The following RAB37 variants were observed in gnomAD, a reference collection of about 807,000 sequenced individuals.
The protein encoded by RAB37 is ras-related protein Rab-37.
A neutral mutation model predicts 33.1 loss-of-function variants in RAB37; 29 were observed. The observed-to-expected ratio is 0.88, with a 90% CI of 0.65 to 1.20. RAB37 has a LOEUF of 1.20. Among genes scored for constraint, RAB37 ranks in the 50% most tolerant of loss-of-function variants. RAB37 has a pLI of 0.00. For missense variants in RAB37, 299 were observed against 301.1 expected, an observed-to-expected ratio of 0.99 and a Z score of 0.05; for synonymous variants, 128 against 119.5, an observed-to-expected ratio of 1.07 and a Z score of -0.47.
intron 1 of RAB37, among the ~76,000 whole-genome samples, chr17:74,695,404 C>A (rs1419090613): frequency 6.6e-6 from 1 of 152,128 alleles, no homozygotes; most frequent in African/African-American, 2.4e-5. Context: ...CTGCCAAGCA[C>A]CCTGAGCTTC....
At chr17:74,740,941 G>C (rs1598326116) in intron 2 of RAB37, 63 bp downstream of exon 2, 2 of 1,258,972 alleles carry the variant, frequency 1.6e-6, no homozygotes, top group Non-Finnish European at 2.3e-6. Flanking sequence ...GGCATGGGGG[G>C]GTTGCCCCCA....
At chr17:74,722,282 C>CAAA (rs375629072) in intron 1 of RAB37, among the ~76,000 whole-genome samples, 1 of 65,538 alleles carries the variant, frequency 1.5e-5, no homozygotes. Flanking sequence ...GACTCTGTCT[C>CAAA]AAAAAAAAAA....
In RAB37 at chr17:74,676,080, G is replaced by A. The variant is rs1413000114; in HGVS notation, c.72+4422G>A. Among the ~76,000 whole-genome samples, 4 of 152,272 alleles carry A rather than the reference G, an allele frequency of 2.6e-5. No homozygotes were observed. The East Asian group carries it at 7.7e-4, about 29-fold the overall frequency. ...GGCAATGGTCTGGGGTAGGGGTTCA[G>A]GAACAGCCCACGGATTGGGTCCCTA... On this transcript the variant is annotated intron_variant, in intron 1 of 7. Coordinates refer to the RAB37 transcript ENST00000340415. This position sits in a 1 kb window ranked among gnomAD's most constrained non-coding sequence, Gnocchi z 4.1.
At position 74,744,797 on chromosome 17, in the gene RAB37, C is replaced by T. The variant is rs1203341964; in HGVS notation, c.433-76C>T. 16 of 1,576,498 alleles carry T rather than the reference C, an allele frequency of 1.0e-5. No individual in the cohort carries two copies. Among genetic ancestry groups the T allele is most frequent in the African/African-American group, 2.7e-5 (2 of 74,116 alleles). On this transcript the variant is annotated intron_variant, in intron 6 of 8. Coordinates refer to ENST00000392613, the MANE Select transcript of RAB37 (RefSeq NM_001006638.3). This position sits in a 1 kb window ranked among gnomAD's most constrained non-coding sequence, Gnocchi z 4.2. ...GGCCACCAGCAGAGGGCAGGCAACG[C>T]CTGCTTCTGGGGCAAAATATGGGCC...
At chr17:74,736,436 G>A (rs2034475698), upstream of RAB37, 1 of 670,732 alleles carries the variant, frequency 1.5e-6, no homozygotes, top group Non-Finnish European at 1.8e-6. Context: ...AGGAGCTGCC[G>A]GGTGCCTGGG....
chr17:74,730,016 C>T lies in RAB37; in HGVS notation c.183+650C>T, dbSNP rs1313209954. ...CAGCTCGGGTTAAGGAAGCCCAGTG[C>T]CCTCGGCTTTTTCTGCCCGCAGCCC... On this transcript the variant is annotated intron_variant, in intron 2 of 7. Coordinates refer to the RAB37 transcript ENST00000340415. The surrounding 1 kb of genome is among the most constrained non-coding windows in gnomAD (Gnocchi z 4.4). 6.6e-6 allele frequency among the ~76,000 whole-genome samples: 1 copy of T among 152,142 alleles called. No individual in the cohort carries two copies. Among genetic ancestry groups the T allele is most frequent in the Admixed American group, 6.5e-5 (1 of 15,282 alleles).
In RAB37 at chr17:74,740,866, C is replaced by T; in HGVS notation, c.192C>T (p.Gly64=). 1 of 1,612,318 alleles carries T rather than the reference C, an allele frequency of 6.2e-7. No homozygotes were observed. Residue 64 remains glycine, a synonymous_variant, in exon 2 of 9, where the codon GGC becomes GGT. Coordinates refer to ENST00000392613, the MANE Select transcript of RAB37 (RefSeq NM_001006638.3). The part of the protein sequence containing the change: ...FLSGTFIATV[G]IDFRNKVVTV... ...CCGGAACCTTCATAGCCACCGTCGG[C>T]ATAGACTTCAGGGTGAGGTGGCTGC...
At chr17:74,718,419 GA>G (rs557351172) in intron 1 of RAB37, among the ~76,000 whole-genome samples, 3 of 150,186 alleles carry the variant, frequency 2.0e-5, no homozygotes, top group Admixed American at 2.0e-4. Context: ...GTGGGTTAGA[GA>G]AAAAAAAAGG....
intron 1 of RAB37, among the ~76,000 whole-genome samples, 163 bp from the exon 2 acceptor site, chr17:74,740,605 A>G (rs1011803468): frequency 6.6e-6 from 1 of 152,146 alleles, no homozygotes; most frequent in East Asian, 1.9e-4. Context: ...GAGAGGAGAG[A>G]CAGGGTGAAG....
chr17:74,671,721 C>A lies in RAB37; in HGVS notation c.72+63C>A, dbSNP rs2031710774. The A allele has an allele frequency of 6.9e-7, 1 of 1,444,882 alleles. No individual in the cohort carries two copies. Among genetic ancestry groups the A allele is most frequent in the Non-Finnish European group, 9.7e-7 (1 of 1,027,580 alleles). 89.5% of individuals were successfully genotyped at this position (1,444,882 alleles called of 1,614,324 possible). A position where few individuals can be genotyped will look rare whatever the true frequency, so the allele number is the denominator to read the frequency against. On this transcript the variant is annotated intron_variant, in intron 1 of 7. Coordinates refer to the RAB37 transcript ENST00000340415. This position sits in a 1 kb window ranked among gnomAD's most constrained non-coding sequence, Gnocchi z 5.0. Reference sequence around the variant, plus strand: ...GAGGCGCCAGCACCAGGAGTTTTCTCCACTCCCCTGACTTTGCTTTGGGAC... The same window carrying A: ...GAGGCGCCAGCACCAGGAGTTTTCTACACTCCCCTGACTTTGCTTTGGGAC...
intron 1 of RAB37, among the ~76,000 whole-genome samples, chr17:74,702,397 T>C (rs535408664): frequency 6.6e-6 from 1 of 152,110 alleles, no homozygotes; most frequent in Non-Finnish European, 1.5e-5. Context: ...TTCTGTAAAA[T>C]GGGAACATTT....
intron 1 of RAB37, among the ~76,000 whole-genome samples, chr17:74,727,925 T>C (rs2034325804): frequency 6.6e-6 from 1 of 151,998 alleles, no homozygotes; most frequent in Non-Finnish European, 1.5e-5. Context: ...TTTGCGTGTA[T>C]GCTGCATGTC....
At chr17:74,741,518 G>A (rs968884872) in intron 2 of RAB37, among the ~76,000 whole-genome samples, 1 of 151,384 alleles carries the variant, frequency 6.6e-6, no homozygotes, top group African/African-American at 2.4e-5. Context: ...TCCGGGTGGT[G>A]GAGGTTGCAG....
At chr17:74,710,446 A>G (rs1193017538) in intron 1 of RAB37, among the ~76,000 whole-genome samples, 1 of 152,256 alleles carries the variant, frequency 6.6e-6, no homozygotes, top group Non-Finnish European at 1.5e-5. Context: ...TGGCTTTCCT[A>G]TAAACTGCTA....
At chr17:74,721,761 A>C (rs1475587649) in intron 1 of RAB37, among the ~76,000 whole-genome samples, 1 of 152,134 alleles carries the variant, frequency 6.6e-6, no homozygotes, top group Non-Finnish European at 1.5e-5. Context: ...AAAGCCATAG[A>C]GTTGCTGAGT....
At chr17:74,695,255 C>A in intron 1 of RAB37, 2 of 1,613,744 alleles carry the variant, frequency 1.2e-6, no homozygotes, top group East Asian at 2.2e-5. Flanking sequence ...AGGAAGCCTG[C>A]AGCAAAGGCG....
At chr17:74,740,435 T>A (rs2034584638) in intron 1 of RAB37, among the ~76,000 whole-genome samples, 1 of 152,104 alleles carries the variant, frequency 6.6e-6, no homozygotes, top group Non-Finnish European at 1.5e-5. Flanking sequence ...TATGGGCAAA[T>A]GTGGCCACTG....
intron 1 of RAB37, among the ~76,000 whole-genome samples, chr17:74,673,205 A>G (rs1490527612): frequency 6.6e-6 from 1 of 152,024 alleles, no homozygotes; most frequent in African/African-American, 2.4e-5. Flanking sequence ...AGGGTTCAAG[A>G]CCAGCCTGGC....
intron 1 of RAB37, among the ~76,000 whole-genome samples, chr17:74,725,882 C>T (rs1032541481): frequency 2.2e-4 from 34 of 151,982 alleles, no homozygotes; most frequent in African/African-American, 8.2e-4. Context: ...TCCCAAAGTG[C>T]TGGGATTACA....
Sources: allele counts gnomAD v4.1 joint callset (sites outside exome capture counted in the v4.1 genomes callset), GRCh38; gene constraint gnomAD v4.1.1; non-coding constraint Gnocchi (gnomAD v3.1); transcripts MANE v1.5; gene names NCBI Gene and HGNC (gene_info 2026-07-23, HGNC 2026-07-21).